The following SAE1 variants were observed in gnomAD, a reference collection of about 807,000 sequenced individuals.
SAE1 encodes SUMO1 activating enzyme subunit 1.
A neutral mutation model predicts 40.6 loss-of-function variants in SAE1; 11 were observed. That is an observed-to-expected ratio of 0.27 (90% CI 0.17 to 0.45). SAE1 has a LOEUF of 0.45. Among genes scored for constraint, SAE1 ranks in the 20% least tolerant of loss-of-function variants. SAE1 has a pLI of 1.00. For synonymous variants in SAE1, 155 were observed against 154.3 expected, an observed-to-expected ratio of 1.00 and a Z score of -0.03; for missense variants, 373 against 427.3, an observed-to-expected ratio of 0.87 and a Z score of 1.12.
chr19:47,204,764 G>A (rs185100834), intron 8 of SAE1, among the ~76,000 whole-genome samples: 11 of 152,038 alleles, frequency 7.2e-5, no homozygotes, highest in Admixed American at 2.6e-4. Flanking sequence ...CCAAAGTGCT[G>A]GGATTATAGG....
chr19:47,162,303 TTG>T (rs1331063924), intron 5 of SAE1, among the ~76,000 whole-genome samples: 4 of 152,226 alleles, frequency 2.6e-5, no homozygotes, highest in Admixed American at 2.0e-4. Context: ...AGCATTTTGT[TTG>T]TGTGTGTATA....
In SAE1 at chr19:47,148,270, G is replaced by A. The variant is rs77549613; in HGVS notation, c.211-1932G>A. ...CAGGATGGAATGGGTCAAGGATACA[G>A]GGTTAGCCTAGAATGGGAAGTGGGC... On this transcript the variant is annotated intron_variant, in intron 2 of 8. Coordinates refer to ENST00000270225, the MANE Select transcript of SAE1 (RefSeq NM_005500.3). Among the ~76,000 whole-genome samples the A allele has an allele frequency of 3.3e-5, 5 of 152,132 alleles. No individual in the cohort carries two copies. The East Asian group carries it at 7.7e-4, about 23-fold the overall frequency.
intron 1 of SAE1, among the ~76,000 whole-genome samples, chr19:47,137,685 GC>G (rs1389806048): frequency 6.7e-6 from 1 of 148,486 alleles, no homozygotes; most frequent in East Asian, 2.0e-4. Context: ...CATGGCGTAT[GC>G]CGTAACACTC....
intron 6 of SAE1, among the ~76,000 whole-genome samples, chr19:47,170,881 C>A: frequency 6.6e-6 from 1 of 152,142 alleles, no homozygotes; most frequent in East Asian, 1.9e-4. Flanking sequence ...TTTCCTCTTG[C>A]TATTAATGAA....
At chr19:47,184,676 G>C (rs1372879616) in intron 6 of SAE1, among the ~76,000 whole-genome samples, 2 of 151,618 alleles carry the variant, frequency 1.3e-5, no homozygotes, top group African/African-American at 2.4e-5. Flanking sequence ...CTCCCAAAGT[G>C]CTGGGATTAC....
At chr19:47,182,509 G>C (rs545354640) in intron 6 of SAE1, among the ~76,000 whole-genome samples, 1 of 148,326 alleles carries the variant, frequency 6.7e-6, no homozygotes, top group African/African-American at 2.6e-5. Context: ...GCGCACGCAC[G>C]CGCGCGCGCA....
intron 6 of SAE1, among the ~76,000 whole-genome samples, chr19:47,194,261 C>T (rs568944718): frequency 5.3e-5 from 8 of 152,256 alleles, no homozygotes; most frequent in African/African-American, 1.9e-4. Flanking sequence ...GAATGGCCCT[C>T]AACACAGGCT....
intron 8 of SAE1, among the ~76,000 whole-genome samples, chr19:47,205,374 C>T (rs1380032462): frequency 8.0e-6 from 1 of 125,184 alleles, no homozygotes; most frequent in African/African-American, 3.0e-5. Context: ...GGTCTAAATT[C>T]TTCCTTTGAT....
At chr19:47,145,738 G>A in intron 2 of SAE1, among the ~76,000 whole-genome samples, 1 of 152,038 alleles carries the variant, frequency 6.6e-6, no homozygotes, top group Non-Finnish European at 1.5e-5. Flanking sequence ...ACTTCATCTG[G>A]TTGTAAGAAT....
chr19:47,150,120 T>G (rs2058278740), intron 2 of SAE1, 82 bp from the exon 3 acceptor site: 4 of 907,012 alleles, frequency 4.4e-6, no homozygotes, highest in Non-Finnish European at 4.7e-6. Context: ...ATTTTAGCTA[T>G]CCTTTAAAAT....
chr19:47,201,890 C>G (rs991766432), intron 7 of SAE1, among the ~76,000 whole-genome samples: 4 of 152,156 alleles, frequency 2.6e-5, no homozygotes, highest in Non-Finnish European at 5.9e-5. Context: ...GCCTTGGCCT[C>G]CCAAAGTGCT....
intron 5 of SAE1, among the ~76,000 whole-genome samples, chr19:47,155,696 C>A (rs188625440): frequency 1.3e-5 from 2 of 151,236 alleles, no homozygotes; most frequent in African/African-American, 4.9e-5. Context: ...CCCGCCTCAG[C>A]CTCCCAAAGT....
intron 6 of SAE1, among the ~76,000 whole-genome samples, chr19:47,192,123 T>C (rs1219581994): frequency 6.6e-6 from 1 of 152,062 alleles, no homozygotes; most frequent in Non-Finnish European, 1.5e-5. Context: ...CAAAGCGTTA[T>C]AGTGCCTACT....
At chr19:47,158,833 T>C (rs987703444) in intron 5 of SAE1, among the ~76,000 whole-genome samples, 1 of 152,098 alleles carries the variant, frequency 6.6e-6, no homozygotes, top group African/African-American at 2.4e-5. Flanking sequence ...GGCGAGAGCA[T>C]AGACAGTGGG....
At position 47,209,321 on chromosome 19, in the gene SAE1, C is replaced by A. The variant is rs758350464; in HGVS notation, c.*70C>A. The stretch of plus-strand genomic sequence containing the variant: ...ACCTGTATTCCCTGTCCCCTTCCTT[C>A]ATGAAGGCATCTCCAGGCAAGGAAA... On this transcript the variant is annotated 3_prime_UTR_variant, in exon 9 of 9. Coordinates refer to ENST00000270225, the MANE Select transcript of SAE1 (RefSeq NM_005500.3). 1 of 1,609,706 alleles carries A rather than the reference C, an allele frequency of 6.2e-7. No homozygotes were observed. Among genetic ancestry groups the A allele is most frequent in the East Asian group, 2.2e-5 (1 of 44,798 alleles).
intron 6 of SAE1, among the ~76,000 whole-genome samples, chr19:47,181,710 C>T (rs1186311806): frequency 5.3e-5 from 8 of 150,012 alleles, no homozygotes; most frequent in African/African-American, 2.0e-4. Context: ...AACTCCTAGC[C>T]TCAGGTGATC....
intron 5 of SAE1, among the ~76,000 whole-genome samples, chr19:47,165,738 T>C (rs985644665): frequency 6.6e-6 from 1 of 152,202 alleles, no homozygotes; most frequent in African/African-American, 2.4e-5. Context: ...TTAAGTTTTG[T>C]TTTGTTTTTA....
In SAE1 at chr19:47,130,881, G is replaced by C; in HGVS notation, c.-50G>C. 6.5e-7 allele frequency: 1 copy of C among 1,545,884 alleles called. No individual in the cohort carries two copies. Among genetic ancestry groups the C allele is most frequent in the South Asian group, 1.2e-5 (1 of 83,824 alleles). On this transcript the variant is annotated 5_prime_UTR_variant, in exon 1 of 9. Transcript: ENST00000270225. ...GCGGTAGGTGGCGCGCGGGTCCGGC[G>C]GGCGGTTGGCTTGAGCGGGACCGGA...
chr19:47,162,031 C>A (rs1220206304), intron 5 of SAE1, among the ~76,000 whole-genome samples: 1 of 152,202 alleles, frequency 6.6e-6, no homozygotes, highest in Non-Finnish European at 1.5e-5. Flanking sequence ...CTCAGTCTCA[C>A]TGGTCACATT....
Sources: gnomAD v4.1 joint callset for allele counts (sites outside exome capture counted in the v4.1 genomes callset) on GRCh38, gnomAD v4.1.1 for gene constraint, MANE v1.5 for transcripts, NCBI Gene and HGNC (gene_info 2026-07-23, HGNC 2026-07-21) for gene names.